ZC4H2: variants seen among roughly 807,000 people sequenced by gnomAD.
ZC4H2 encodes the protein zinc finger C4H2 domain-containing protein.
For missense variants in ZC4H2, 137 were observed against 173.9 expected (o/e 0.79, Z 1.19); for synonymous variants, 84 against 66.3 (o/e 1.27, Z -1.30).
At chrX:64,985,658 G>T (rs1932170071) in intron 1 of ZC4H2, among the ~76,000 whole-genome samples, 1 of 111,205 alleles carries the variant, frequency 9.0e-6, no homozygotes, top group Non-Finnish European at 1.9e-5. Context: ...GTAAACTCTG[G>T]GATAATGTAA....
chrX:64,958,637 T>A (rs1049205497), intron 1 of ZC4H2, among the ~76,000 whole-genome samples: 7 of 110,110 alleles, frequency 6.4e-5, no homozygotes, highest in African/African-American at 2.3e-4. Flanking sequence ...GTCTCAGTAA[T>A]TTTTTTTTGG....
chrX:64,920,287 G>C (rs777061348), intron 2 of ZC4H2, 34 bp from the exon 3 acceptor site: 2 of 1,183,215 alleles, frequency 1.7e-6, no homozygotes, highest in South Asian at 3.8e-5. Flanking sequence ...ACAGAGAAAA[G>C]ATCCTAAGGT....
In ZC4H2 at chrX:64,919,172, G is replaced by A. The variant is rs1009987755; in HGVS notation, c.431C>T (p.Thr144Ile). ...YFEKQKAEWQ[T>I]EPQEPPIPES... ...AGGGATGGGGGGCTCCTGAGGTTCTGTCTGCCATTCTGCTTTCTGCTTCTC... is the reference window on the plus strand; with the variant it reads ...AGGGATGGGGGGCTCCTGAGGTTCTATCTGCCATTCTGCTTTCTGCTTCTC... Residue 144 changes from threonine to isoleucine, a missense_variant, in exon 4 of 5, where the codon ACA becomes ATA. Transcript: ENST00000374839. 26 of 1,211,298 alleles carry A rather than the reference G, an allele frequency of 2.1e-5. No homozygotes were observed. Among genetic ancestry groups the A allele is most frequent in the Non-Finnish European group, 2.9e-5 (26 of 895,307 alleles).
At chrX:65,025,121 G>T (rs1007811200) in intron 1 of ZC4H2, among the ~76,000 whole-genome samples, 5 of 100,350 alleles carry the variant, frequency 5.0e-5, no homozygotes, top group Non-Finnish European at 8.1e-5. Context: ...CAAATCCATG[G>T]TTTTTTTGTT....
chrX:64,960,697 A>G (rs759476260), intron 1 of ZC4H2, among the ~76,000 whole-genome samples: 15 of 112,223 alleles, frequency 1.3e-4, no homozygotes, highest in Non-Finnish European at 2.6e-4. Flanking sequence ...TCTGGCATCC[A>G]TTCACACTTT....
At chrX:64,954,224 C>T (rs971281093) in intron 1 of ZC4H2, among the ~76,000 whole-genome samples, 4 of 99,651 alleles carry the variant, frequency 4.0e-5, no homozygotes, top group Admixed American at 1.1e-4. Context: ...ATGTAAATGA[C>T]GAGTTAATGG....
chrX:64,929,554 G>T (rs1342941038), intron 1 of ZC4H2, among the ~76,000 whole-genome samples: 1 of 111,598 alleles, frequency 9.0e-6, no homozygotes, highest in Non-Finnish European at 1.9e-5. Context: ...AAGGTGAGAG[G>T]TGAGGATCTA....
At chrX:64,937,354 C>T (rs956786524) in intron 1 of ZC4H2, among the ~76,000 whole-genome samples, 4 of 111,133 alleles carry the variant, frequency 3.6e-5, no homozygotes, top group African/African-American at 9.8e-5. Context: ...TTTAACACCC[C>T]ACTGTCAATA....
intron 1 of ZC4H2, among the ~76,000 whole-genome samples, chrX:64,967,210 C>T (rs971305220): frequency 1.8e-5 from 2 of 111,569 alleles, no homozygotes; most frequent in Non-Finnish European, 3.8e-5. Context: ...ATTGCCTTTA[C>T]TATGGTCTTC....
chrX:65,032,778 C>CTTCCTTCCTTCT lies in ZC4H2; in HGVS notation c.-272+1850_-272+1851insAGAAGGAAGGAA, dbSNP rs1299603534. Among the ~76,000 whole-genome samples, 164 of 101,424 alleles carry CTTCCTTCCTTCT rather than the reference C, an allele frequency of 1.6e-3. 1 individual carries two copies. The highest frequency in any genetic ancestry group is 3.3e-3 in the South Asian group (7 of 2,151). 88.1% of individuals were successfully genotyped at this position (101,424 alleles called of 115,157 possible). On this transcript the variant is annotated intron_variant, in intron 1 of 4. Transcript: ENST00000337990. ...CCTTCCTTCCTTCCTTCCTTCCTTC[C>CTTCCTTCCTTCT]TTCTTTCTTTTTTTTGGGGGACGGA... is the stretch of plus-strand genomic sequence containing the variant.
Position 64,930,897 on chromosome X carries a change from T to A in ZC4H2, c.54-8909A>T, listed in dbSNP as rs750863594. 6.2e-5 allele frequency among the ~76,000 whole-genome samples: 7 copies of A among 112,184 alleles called. No individual in the cohort carries two copies. In the South Asian group the frequency reaches 2.6e-3, roughly 41 times the overall value. ...CATAGAATGATTTAATGAGGATTTC[T>A]TCTTTTACTGTCTTTTGGAATGGTT... On this transcript the variant is annotated intron_variant, in intron 1 of 4. Coordinates refer to ENST00000374839, the MANE Select transcript of ZC4H2 (RefSeq NM_018684.4).
Position 64,956,998 on chromosome X carries a change from C to T in ZC4H2, c.53+19327G>A, listed in dbSNP as rs765463559. On this transcript the variant is annotated intron_variant, in intron 1 of 4. Transcript: ENST00000374839. ...AACCAAAAGGGAGGAATTGTTAAAGCCAACTAAATATAGCCTGAGAAGGAC... is the reference window on the plus strand; with the variant it reads ...AACCAAAAGGGAGGAATTGTTAAAGTCAACTAAATATAGCCTGAGAAGGAC... 2.7e-5 allele frequency among the ~76,000 whole-genome samples: 3 copies of T among 112,427 alleles called. No individual in the cohort carries two copies. In the Admixed American group the frequency reaches 2.8e-4, roughly 11 times the overall value.
At chrX:64,980,991 T>C (rs1932071076), upstream of ZC4H2, among the ~76,000 whole-genome samples, 1 of 110,841 alleles carries the variant, frequency 9.0e-6, no homozygotes, top group South Asian at 3.9e-4. Flanking sequence ...AAGGCTCCTG[T>C]TCAGAGATGA....
Position 65,021,242 on chromosome X carries a change from G to A in ZC4H2, c.-272+13387C>T, listed in dbSNP as rs186373565. 2.2e-3 allele frequency among the ~76,000 whole-genome samples: 245 copies of A among 110,491 alleles called. 5 individuals are homozygous for A. The Middle Eastern group carries it at 0.028, about 13-fold the overall frequency. ...TATACATTTTTCTTAGCACCATATC[G>A]CACTTATTCTAAAACTGACCACTTA... On this transcript the variant is annotated intron_variant, in intron 1 of 4. Transcript: ENST00000337990.
chrX:64,965,973 CATT>C (rs1931578707), intron 1 of ZC4H2, among the ~76,000 whole-genome samples: 1 of 74,539 alleles, frequency 1.3e-5, no homozygotes, highest in Non-Finnish European at 2.9e-5. Flanking sequence ...AAAAAAAAGA[CATT>C]GTAATTCAAA....
At chrX:65,032,780 T>TC (rs1342857508) in intron 1 of ZC4H2, among the ~76,000 whole-genome samples, 14 of 107,981 alleles carry the variant, frequency 1.3e-4, no homozygotes, top group African/African-American at 3.4e-4. Context: ...CTTCCTTCCT[T>TC]CTTTCTTTTT....
chrX:64,989,387 T>G (rs935198425), intron 1 of ZC4H2, among the ~76,000 whole-genome samples: 1 of 111,849 alleles, frequency 8.9e-6, no homozygotes, highest in African/African-American at 3.3e-5. Context: ...TATCCTCTTT[T>G]ATTTCATTGA....
At chrX:64,985,532 T>C (rs1932167924) in intron 1 of ZC4H2, among the ~76,000 whole-genome samples, 2 of 111,585 alleles carry the variant, frequency 1.8e-5, no homozygotes, top group Admixed American at 9.5e-5. Flanking sequence ...GGGCTGGAGA[T>C]CCAGAGAAAT....
intron 1 of ZC4H2, among the ~76,000 whole-genome samples, chrX:65,013,609 G>T (rs920115312): frequency 2.7e-5 from 3 of 111,072 alleles, no homozygotes; most frequent in African/African-American, 6.6e-5. Flanking sequence ...AGGAACTGAG[G>T]CCCCTCAGTC....
Sources: allele counts gnomAD v4.1 joint callset (sites outside exome capture counted in the v4.1 genomes callset), GRCh38; gene constraint gnomAD v4.1.1; transcripts MANE v1.5; gene names NCBI Gene and HGNC (gene_info 2026-07-23, HGNC 2026-07-21).